Variants in FOXP2 observed in about 807,000 individuals in gnomAD.
FOXP2 encodes forkhead box P2.
Under a neutral mutation model 115.8 loss-of-function variants are expected in FOXP2, and 12 were observed. That is an observed-to-expected ratio of 0.10 (90% CI 0.07 to 0.17). The LOEUF is 0.17. Ranked by LOEUF, FOXP2 falls within the 10% of genes least tolerant of loss-of-function variation. The probability of loss-of-function intolerance (pLI) is 1.00; values close to 1 mark genes in which losing one functional copy is unlikely to be tolerated. For synonymous variants in FOXP2, 328 were observed against 297.7 expected, an observed-to-expected ratio of 1.10 and a Z score of -1.05; for missense variants, 629 against 843.5, an observed-to-expected ratio of 0.75 and a Z score of 3.15.
intron 2 of FOXP2, among the ~76,000 whole-genome samples, chr7:114,293,419 A>C (rs1796658608): frequency 6.6e-6 from 1 of 152,198 alleles, no homozygotes; most frequent in Non-Finnish European, 1.5e-5. Context: ...GCAAACAGCC[A>C]GGAAGGAGCC....
At chr7:114,178,670 A>G (rs913350155) in intron 1 of FOXP2, among the ~76,000 whole-genome samples, 5 of 151,984 alleles carry the variant, frequency 3.3e-5, no homozygotes, top group Non-Finnish European at 7.4e-5. Flanking sequence ...AGGTTCTCAA[A>G]TTTGACACTA....
intron 3 of FOXP2, among the ~76,000 whole-genome samples, chr7:114,580,445 G>A (rs925295667): frequency 6.6e-6 from 1 of 152,116 alleles, no homozygotes; most frequent in Non-Finnish European, 1.5e-5. Flanking sequence ...GGGTGTGATG[G>A]CATATTCCTG....
At chr7:114,614,271 A>G (rs1199940429) in intron 3 of FOXP2, among the ~76,000 whole-genome samples, 2 of 151,948 alleles carry the variant, frequency 1.3e-5, no homozygotes, top group African/African-American at 2.4e-5. Flanking sequence ...GTTTTTCAAA[A>G]TGTCTTTAAT....
chr7:114,557,301 G>A (rs557571771), intron 3 of FOXP2, among the ~76,000 whole-genome samples: 3 of 152,184 alleles, frequency 2.0e-5, no homozygotes, highest in African/African-American at 7.2e-5. Flanking sequence ...CTGTACCCTG[G>A]CATTTGTTTT....
At chr7:114,356,928 G>A (rs1791630953) in intron 2 of FOXP2, among the ~76,000 whole-genome samples, 1 of 152,052 alleles carries the variant, frequency 6.6e-6, no homozygotes, top group Admixed American at 6.6e-5. Context: ...ATATTTATCT[G>A]TATTATGTGA....
At chr7:114,680,229 T>G (rs1808013065) in intron 16 of FOXP2, among the ~76,000 whole-genome samples, 1 of 152,186 alleles carries the variant, frequency 6.6e-6, no homozygotes. Context: ...AAACATAAAT[T>G]GGTGTTTTTT....
At chr7:114,248,484 C>A (rs771891145) in intron 1 of FOXP2, among the ~76,000 whole-genome samples, 1 of 152,124 alleles carries the variant, frequency 6.6e-6, no homozygotes, top group East Asian at 1.9e-4. Context: ...AAACTCAATA[C>A]GTGATAATTT....
chr7:114,330,181 T>C (rs554553003), intron 2 of FOXP2, among the ~76,000 whole-genome samples: 2 of 152,294 alleles, frequency 1.3e-5, no homozygotes, highest in Non-Finnish European at 2.9e-5. Context: ...CATTTACTTA[T>C]TTTAAAATAT....
rs1022243771 is a variant in FOXP2 at position 114,207,018 on chromosome 7, A to G, written c.-102+43930A>G. 2.8e-4 allele frequency among the ~76,000 whole-genome samples: 43 copies of G among 152,088 alleles called. 2 individuals are homozygous for G. The highest frequency in any genetic ancestry group is 2.8e-3 in the Admixed American group (42 of 15,254). On this transcript the variant is annotated intron_variant, in intron 1 of 17. Coordinates refer to the FOXP2 transcript ENST00000634411. ...AACCTTATTCTTTCTGTTTCTATAG[A>G]TGTTCTTATTCTGGACATTTCATAT...
intron 2 of FOXP2, among the ~76,000 whole-genome samples, chr7:114,460,891 C>G (rs1003377733): frequency 6.6e-6 from 1 of 152,104 alleles, no homozygotes; most frequent in Non-Finnish European, 1.5e-5. Flanking sequence ...TTGGGGATTA[C>G]TTTTTACCTT....
At chr7:114,428,204 G>T (rs1793951717) in intron 2 of FOXP2, among the ~76,000 whole-genome samples, 1 of 151,536 alleles carries the variant, frequency 6.6e-6, no homozygotes, top group South Asian at 2.1e-4. Context: ...AATAGTAATT[G>T]TAAATGAACA....
chr7:114,435,071 T>C (rs1466636791), intron 2 of FOXP2, among the ~76,000 whole-genome samples: 1 of 152,186 alleles, frequency 6.6e-6, no homozygotes, highest in East Asian at 1.9e-4. Flanking sequence ...TTAACTTCAA[T>C]TGTGAATGTG....
chr7:114,640,777 G>A (rs1308373497), intron 6 of FOXP2, among the ~76,000 whole-genome samples: 1 of 152,132 alleles, frequency 6.6e-6, no homozygotes, highest in Non-Finnish European at 1.5e-5. Context: ...CTTTATATTA[G>A]ATGTTATAGA....
At chr7:114,444,789 G>A (rs1396121178) in intron 2 of FOXP2, among the ~76,000 whole-genome samples, 1 of 152,022 alleles carries the variant, frequency 6.6e-6, no homozygotes, top group Non-Finnish European at 1.5e-5. Flanking sequence ...GTTCTATATA[G>A]TTAATATGTA....
chr7:114,324,641 T>A (rs62469213), intron 2 of FOXP2, among the ~76,000 whole-genome samples: 2,806 of 151,992 alleles, frequency 0.018, 44 homozygotes, highest in Non-Finnish European at 0.029. Flanking sequence ...AATTGGCGAC[T>A]GTTATCTATC....
intron 13 of FOXP2, among the ~76,000 whole-genome samples, chr7:114,660,618 T>C (rs1037797802): frequency 6.6e-6 from 1 of 152,164 alleles, no homozygotes; most frequent in African/African-American, 2.4e-5. Flanking sequence ...GTTGCTACAG[T>C]ATGTGGTACT....
At chr7:114,446,747 CTT>C (rs373569304) in intron 2 of FOXP2, among the ~76,000 whole-genome samples, 22 of 139,220 alleles carry the variant, frequency 1.6e-4, no homozygotes, top group Non-Finnish European at 1.4e-4. Flanking sequence ...TTCTTTCTTT[CTT>C]TTTTTTTTTT....
intron 4 of FOXP2, chr7:114,629,513 G>A (rs1804774019): frequency 8.3e-7 from 1 of 1,207,692 alleles, no homozygotes; most frequent in Non-Finnish European, 1.2e-6. Flanking sequence ...GTGTCAGTAG[G>A]ACTTCAGATG....
intron 1 of FOXP2, among the ~76,000 whole-genome samples, chr7:114,225,149 T>G (rs909511871): frequency 1.3e-5 from 2 of 152,156 alleles, no homozygotes; most frequent in African/African-American, 4.8e-5. Flanking sequence ...CCTTTTTTTA[T>G]ACTGCACTTG....
Sources: allele counts gnomAD v4.1 joint callset (sites outside exome capture counted in the v4.1 genomes callset), GRCh38; gene constraint gnomAD v4.1.1; transcripts MANE v1.5; gene names NCBI Gene and HGNC (gene_info 2026-07-23, HGNC 2026-07-21).